The following ADAMTS14 variants were observed in gnomAD, a reference collection of about 807,000 sequenced individuals.
ADAMTS14 encodes the protein ADAM metallopeptidase with thrombospondin type 1 motif 14.
In ADAMTS14, 100 loss-of-function variants were observed where a neutral mutation model predicts 128.6. That is an observed-to-expected ratio of 0.78 (90% confidence interval 0.66 to 0.92). The LOEUF (loss-of-function observed/expected upper bound fraction) is 0.92. Ranked by LOEUF, ADAMTS14 falls within the 40% of genes least tolerant of loss-of-function variation. The probability of loss-of-function intolerance (pLI) is 0.00; values close to 1 mark genes in which losing one functional copy is unlikely to be tolerated. For synonymous variants in ADAMTS14, 665 were observed against 653.8 expected (o/e 1.02, Z -0.26); for missense variants, 1,562 against 1,658.6 (o/e 0.94, Z 1.01).
At chr10:70,712,909 A>C (rs947110327) in intron 4 of ADAMTS14, among the ~76,000 whole-genome samples, 1 of 152,088 alleles carries the variant, frequency 6.6e-6, no homozygotes, top group Non-Finnish European at 1.5e-5. Flanking sequence ...CCTGGATTGG[A>C]CTGGGTTACA....
In ADAMTS14 at chr10:70,749,958, G is replaced by A. The variant is rs911820244; in HGVS notation, c.2400G>A (p.Gly800=). 1.2e-5 allele frequency: 20 copies of A among 1,613,966 alleles called. No individual in the cohort carries two copies. The Admixed American group carries it at 1.7e-4, about 13-fold the overall frequency. ...CCAAGGAAAGCCTCAAGACCAGCGG[G>A]CCCCTGCCTGAAGCCATTGCCATCC... ...EDAKESLKTS[G]PLPEAIAILA... is the part of the protein sequence containing the mutation. The change falls in exon 16 of 22, where the codon GGG becomes GGA. Residue 800 remains glycine (G), a synonymous_variant. Coordinates refer to ENST00000373207, the MANE Select transcript of ADAMTS14 (RefSeq NM_080722.4).
Position 70,730,163 on chromosome 10 carries a change from C to T in ADAMTS14, c.1016C>T (p.Ala339Val), listed in dbSNP as rs771748787. 55 of 1,613,180 alleles carry T rather than the reference C, an allele frequency of 3.4e-5. No homozygotes were observed. The highest frequency in any genetic ancestry group is 3.3e-4 in the Middle Eastern group (2 of 6,024). Reference protein sequence around the residue: ...SRSLEQVCRWAHSQQRQDPSH... With the variant: ...SRSLEQVCRWVHSQQRQDPSH... ...AGCCTGGAGCAGGTGTGTCGCTGGGCACACTCCCAGCAGCGCCAGGACCCC... is the reference window on the plus strand; with the variant it reads ...AGCCTGGAGCAGGTGTGTCGCTGGGTACACTCCCAGCAGCGCCAGGACCCC... Residue 339 changes from alanine (A) to valine (V), a missense_variant, in exon 6 of 22, where the codon GCA (alanine) becomes GTA (valine). Ala to Val is a moderately conservative substitution (Grantham distance 64). Coordinates refer to ENST00000373207, the MANE Select transcript of ADAMTS14 (RefSeq NM_080722.4).
intron 19 of ADAMTS14, 84 bp from the exon 20 acceptor site, chr10:70,757,878 G>A: frequency 1.3e-6 from 2 of 1,512,778 alleles, no homozygotes. Context: ...CACTGGCTGG[G>A]CTCTGAGCTC....
intron 2 of ADAMTS14, among the ~76,000 whole-genome samples, chr10:70,701,098 G>C (rs894516186): frequency 6.6e-6 from 1 of 152,208 alleles, no homozygotes; most frequent in African/African-American, 2.4e-5. Flanking sequence ...TTTTCTGTTT[G>C]ATCCACAGAA....
chr10:70,730,355 G>A (rs1268338692), intron 6 of ADAMTS14, 106 bp downstream of exon 6: 3 of 1,433,020 alleles, frequency 2.1e-6, no homozygotes, highest in African/African-American at 2.8e-5. Context: ...CCACCACATG[G>A]AGGTTTGAAG....
intron 3 of ADAMTS14, among the ~76,000 whole-genome samples, chr10:70,705,838 A>T (rs978211862): frequency 6.6e-6 from 1 of 152,212 alleles, no homozygotes; most frequent in Non-Finnish European, 1.5e-5. Context: ...CATCTGGTGG[A>T]CACTGGAGTT....
intron 3 of ADAMTS14, among the ~76,000 whole-genome samples, chr10:70,705,909 T>G (rs1840650562): frequency 6.6e-6 from 1 of 152,274 alleles, no homozygotes; most frequent in Non-Finnish European, 1.5e-5. Context: ...AGATTTTATG[T>G]GAACATACGT....
At chr10:70,708,863 A>G in intron 4 of ADAMTS14, 85 bp downstream of exon 4, 1 of 1,098,076 alleles carries the variant, frequency 9.1e-7, no homozygotes, top group Admixed American at 2.9e-5. Flanking sequence ...TGCTGATCCA[A>G]GTGGAAGTTT....
intron 2 of ADAMTS14, among the ~76,000 whole-genome samples, chr10:70,679,602 C>T (rs1203806073): frequency 3.3e-5 from 5 of 152,230 alleles, no homozygotes; most frequent in African/African-American, 1.2e-4. Context: ...AGGGTTGCTT[C>T]TCCTACGGCC....
intron 4 of ADAMTS14, among the ~76,000 whole-genome samples, chr10:70,722,575 C>T (rs1841305234): frequency 6.6e-6 from 1 of 152,148 alleles, no homozygotes; most frequent in Non-Finnish European, 1.5e-5. Flanking sequence ...ATGGCTGACT[C>T]TGGGACTAGG....
intron 3 of ADAMTS14, among the ~76,000 whole-genome samples, chr10:70,703,276 C>T (rs987936565): frequency 3.9e-5 from 6 of 152,170 alleles, no homozygotes; most frequent in South Asian, 2.1e-4. Context: ...GTCCTAGGCC[C>T]GCTGGTCAAC....
Position 70,741,049 on chromosome 10 carries a change from A to G in ADAMTS14, c.1811A>G (p.Glu604Gly). Residue 604 changes from glutamate to glycine, a missense_variant, in exon 12 of 22, where the codon GAG becomes GGG. Physicochemically the swap from Glu to Gly is moderately conservative, Grantham distance 98. Transcript: ENST00000373207. The stretch of plus-strand genomic sequence containing the variant: ...TTCGAGTACCAGGTCTGCAACAGCG[A>G]GGAGTGCCCTGGGACCTACGAGGAC... ...PMFEYQVCNS[E>G]ECPGTYEDFR... 6.2e-7 allele frequency: 1 copy of G among 1,614,152 alleles called. No individual in the cohort carries two copies. The highest frequency in any genetic ancestry group is 8.5e-7 in the Non-Finnish European group (1 of 1,180,036).
rs4747096 is a variant in ADAMTS14 at position 70,758,253 on chromosome 10, A to G, written c.3146A>G (p.Glu1049Gly). The G allele has an allele frequency of 0.18, 290,641 of 1,613,734 alleles. 27,609 individuals are homozygous for G. The highest frequency in any genetic ancestry group is 0.38 in the East Asian group (16,993 of 44,868). ...TPEGQWVPQSEPLHPINKISS... is the reference protein window; with the variant it reads ...TPEGQWVPQSGPLHPINKISS... ...GAGGGGCAGTGGGTGCCACAATCTG[A>G]ACCCCTACATCCCATTAACAAGATA... Residue 1049 changes from glutamate (E) to glycine (G), a missense_variant, in exon 21 of 22, where the codon GAA becomes GGA. By Grantham distance (98) the Glu-to-Gly change is moderately conservative (BLOSUM62 -2). Coordinates refer to ENST00000373207, the MANE Select transcript of ADAMTS14 (RefSeq NM_080722.4).
intron 7 of ADAMTS14, 68 bp from the exon 8 acceptor site, chr10:70,733,817 C>T: frequency 6.4e-6 from 10 of 1,553,008 alleles, no homozygotes; most frequent in South Asian, 2.4e-5. Context: ...GCTGGCCTGC[C>T]TGCCTGCCTG....
intron 7 of ADAMTS14, among the ~76,000 whole-genome samples, chr10:70,733,079 T>A (rs542780845): frequency 1.2e-4 from 18 of 152,198 alleles, no homozygotes; most frequent in African/African-American, 4.1e-4. Flanking sequence ...CCATCAGCCC[T>A]GTTAGATTTT....
intron 4 of ADAMTS14, among the ~76,000 whole-genome samples, chr10:70,723,482 G>A (rs1202173177): frequency 6.6e-6 from 1 of 152,236 alleles, no homozygotes; most frequent in African/African-American, 2.4e-5. Flanking sequence ...TGGGTATGGG[G>A]AGTTTCTGTA....
chr10:70,690,525 A>C (rs1407545902), intron 2 of ADAMTS14, among the ~76,000 whole-genome samples: 1 of 145,508 alleles, frequency 6.9e-6, no homozygotes, highest in Non-Finnish European at 1.6e-5. Flanking sequence ...CAAGTCCCTC[A>C]TCGGCAGCTC....
In ADAMTS14 at chr10:70,761,891, A is replaced by T. The variant is rs544303171; in HGVS notation, c.*1038A>T. On this transcript the variant is annotated 3_prime_UTR_variant, in exon 22 of 22. Coordinates refer to ENST00000373207, the MANE Select transcript of ADAMTS14 (RefSeq NM_080722.4). ...GTTGGACCCCAGGACTGAGGACCAG[A>T]GTCCACTCATAGCCTGGCCCTGGAG... The T allele has an allele frequency of 7.2e-5, 11 of 152,644 alleles. No individual in the cohort carries two copies. Among genetic ancestry groups the T allele is most frequent in the African/African-American group, 2.6e-4 (11 of 41,584 alleles). The allele number at this position is 152,644 out of a possible 1,614,324, so 9.5% of individuals were successfully genotyped here. A position where few individuals can be genotyped will look rare whatever the true frequency, so the allele number is the denominator to read the frequency against.
At chr10:70,743,461 G>T in intron 12 of ADAMTS14, 87 bp from the exon 13 acceptor site, 2 of 1,475,968 alleles carry the variant, frequency 1.4e-6, no homozygotes, top group East Asian at 2.6e-5. Flanking sequence ...TGGCCCCGGA[G>T]CTTTCTGGCT....
Sources: allele counts gnomAD v4.1 joint callset (sites outside exome capture counted in the v4.1 genomes callset), GRCh38; gene constraint gnomAD v4.1.1; transcripts MANE v1.5; gene names NCBI Gene and HGNC (gene_info 2026-07-23, HGNC 2026-07-21).